CCDC91: variants seen among roughly 807,000 people sequenced by gnomAD.
CCDC91 encodes the protein coiled-coil domain-containing protein 91.
A neutral mutation model predicts 63.2 loss-of-function variants in CCDC91; 48 were observed. The observed-to-expected ratio is 0.76, with a 90% confidence interval of 0.60 to 0.97. The LOEUF (loss-of-function observed/expected upper bound fraction) is 0.97, where lower values mean the gene tolerates loss of function less well. CCDC91 is among the 50% of genes least tolerant of loss of function. CCDC91 has a pLI of 0.00. For synonymous variants in CCDC91, 167 were observed against 165.8 expected, an observed-to-expected ratio of 1.01 and a Z score of -0.06; for missense variants, 500 against 494.6, an observed-to-expected ratio of 1.01 and a Z score of -0.10.
intron 12 of CCDC91, among the ~76,000 whole-genome samples, chr12:28,502,245 A>C (rs532934482): frequency 6.6e-6 from 1 of 152,084 alleles, no homozygotes; most frequent in South Asian, 2.1e-4. Flanking sequence ...CTCAGGATAC[A>C]AAATCAATGT....
intron 12 of CCDC91, among the ~76,000 whole-genome samples, chr12:28,546,707 T>G (rs1488878946): frequency 1.3e-5 from 2 of 152,094 alleles, no homozygotes; most frequent in Non-Finnish European, 2.9e-5. Context: ...TTACATATAT[T>G]ATAACTATAA....
chr12:28,398,082 A>G (rs1159278201), intron 8 of CCDC91, among the ~76,000 whole-genome samples: 2 of 152,156 alleles, frequency 1.3e-5, no homozygotes, highest in Non-Finnish European at 2.9e-5. Flanking sequence ...AAATGTACTC[A>G]TTCTATAGAA....
intron 1 of CCDC91, among the ~76,000 whole-genome samples, chr12:28,207,067 A>G (rs1453965446): frequency 2.0e-5 from 3 of 152,244 alleles, no homozygotes; most frequent in Non-Finnish European, 4.4e-5. Context: ...GCTGGCTGCA[A>G]AATTCTTCAC....
intron 1 of CCDC91, among the ~76,000 whole-genome samples, chr12:28,197,755 A>G (rs1941891314): frequency 6.6e-6 from 1 of 152,134 alleles, no homozygotes; most frequent in African/African-American, 2.4e-5. Context: ...GCAAATTAGC[A>G]TGAGATGTTA....
At chr12:28,441,543 A>AC (rs1281354580) in intron 8 of CCDC91, among the ~76,000 whole-genome samples, 1 of 151,392 alleles carries the variant, frequency 6.6e-6, no homozygotes, top group Non-Finnish European at 1.5e-5. Context: ...CATACAACTA[A>AC]CTTGTATGGA....
Position 28,482,170 on chromosome 12 carries a change from G to A in CCDC91, c.1102-1882G>A, listed in dbSNP as rs1293312673. Among the ~76,000 whole-genome samples, 9 of 151,936 alleles carry A rather than the reference G, an allele frequency of 5.9e-5. No individual in the cohort carries two copies. The East Asian group carries it at 1.7e-3, about 29-fold the overall frequency. On this transcript the variant is annotated intron_variant, in intron 11 of 12. Coordinates refer to ENST00000536442, the MANE Select transcript of CCDC91 (RefSeq NM_018318.5). ...AAGTATTAACATGTTATATTTCAGA[G>A]AGCTTAGTATGTATGTAATATTTTT...
At chr12:28,269,010 C>T (rs1054181934) in intron 3 of CCDC91, among the ~76,000 whole-genome samples, 5 of 152,044 alleles carry the variant, frequency 3.3e-5, no homozygotes, top group African/African-American at 1.2e-4. Context: ...TTGAGGGACC[C>T]ACAGGAACAT....
intron 6 of CCDC91, among the ~76,000 whole-genome samples, chr12:28,311,319 T>C (rs1403504668): frequency 1.3e-5 from 2 of 152,016 alleles, no homozygotes; most frequent in Non-Finnish European, 2.9e-5. Context: ...TGGATAGTTA[T>C]AAAAGTTCTG....
At chr12:28,402,520 A>ATTTTTTT (rs57398967) in intron 8 of CCDC91, among the ~76,000 whole-genome samples, 20 of 51,888 alleles carry the variant, frequency 3.9e-4, no homozygotes, top group Admixed American at 6.4e-4. Flanking sequence ...AGTTCCAGGA[A>ATTTTTTT]TTTTTTTTTT....
chr12:28,362,661 A>G (rs893191141), intron 7 of CCDC91, 146 bp downstream of exon 7: 4 of 500,258 alleles, frequency 8.0e-6, no homozygotes, highest in Non-Finnish European at 1.4e-5. Context: ...ACAAATATCC[A>G]TTGAAAGCAT....
At chr12:28,427,496 C>T (rs975252707) in intron 8 of CCDC91, among the ~76,000 whole-genome samples, 44 of 152,294 alleles carry the variant, frequency 2.9e-4, no homozygotes, top group Non-Finnish European at 6.0e-4. Context: ...GACCCCACCC[C>T]TCACCACCAT....
chr12:28,391,288 T>C lies in CCDC91; in HGVS notation c.655-16T>C. ...GTTTTGTCTGTGATCCAAATGACTTTTTTGCTTGTTTTCAGGCACTACTGC... is the reference window on the plus strand; with the variant it reads ...GTTTTGTCTGTGATCCAAATGACTTCTTTGCTTGTTTTCAGGCACTACTGC... On this transcript the variant is annotated splice_polypyrimidine_tract_variant and intron_variant, in intron 7 of 12. Coordinates refer to ENST00000536442, the MANE Select transcript of CCDC91 (RefSeq NM_018318.5). 1 of 1,545,214 alleles carries C rather than the reference T, an allele frequency of 6.5e-7. No homozygotes were observed. Among genetic ancestry groups the C allele is most frequent in the Non-Finnish European group, 8.9e-7 (1 of 1,120,414 alleles).
chr12:28,437,538 A>C (rs986363334), intron 8 of CCDC91, among the ~76,000 whole-genome samples: 14 of 152,000 alleles, frequency 9.2e-5, no homozygotes, highest in Non-Finnish European at 2.1e-4. Flanking sequence ...ATTCTACCTT[A>C]CCTTTACAGC....
chr12:28,285,742 T>C (rs1484255684), intron 3 of CCDC91, among the ~76,000 whole-genome samples: 1 of 150,274 alleles, frequency 6.7e-6, no homozygotes, highest in Non-Finnish European at 1.5e-5. Flanking sequence ...TTGATCTTAT[T>C]ATTTATCTAA....
At chr12:28,309,329 T>C (rs1392610556) in intron 6 of CCDC91, among the ~76,000 whole-genome samples, 3 of 151,988 alleles carry the variant, frequency 2.0e-5, no homozygotes, top group East Asian at 3.9e-4. Flanking sequence ...AATTTATAGA[T>C]TTTTTCCCCT....
chr12:28,254,367 T>C (rs920012682), intron 1 of CCDC91, among the ~76,000 whole-genome samples: 2 of 152,332 alleles, frequency 1.3e-5, no homozygotes, highest in Middle Eastern at 3.4e-3. Context: ...ATATTTGCTG[T>C]TGCTACATTC....
At chr12:28,521,484 T>G (rs968688855) in intron 12 of CCDC91, among the ~76,000 whole-genome samples, 5 of 152,024 alleles carry the variant, frequency 3.3e-5, no homozygotes, top group Non-Finnish European at 7.4e-5. Context: ...TGAGACGACG[T>G]GGTTTTCTAG....
At chr12:28,359,782 C>CTTTCTTTTTTTTTTTT (rs1565853546) in intron 6 of CCDC91, among the ~76,000 whole-genome samples, 3 of 151,966 alleles carry the variant, frequency 2.0e-5, no homozygotes, top group African/African-American at 7.3e-5. Flanking sequence ...CAGAATATTT[C>CTTTCTTTTTTTTTTTT]TATTTACTTT....
chr12:28,367,292 A>C (rs1944337089), intron 7 of CCDC91, among the ~76,000 whole-genome samples: 1 of 152,230 alleles, frequency 6.6e-6, no homozygotes, highest in Admixed American at 6.5e-5. Context: ...CAGCAAAGTA[A>C]TAGACTGTAT....
Sources: allele counts gnomAD v4.1 joint callset (sites outside exome capture counted in the v4.1 genomes callset), GRCh38; gene constraint gnomAD v4.1.1; transcripts MANE v1.5; gene names NCBI Gene and HGNC (gene_info 2026-07-23, HGNC 2026-07-21).